Variants in ITGA9 observed in about 807,000 individuals in gnomAD.
ITGA9 encodes the protein integrin subunit alpha 9, also known as integrin alpha-9.
In ITGA9, 56 loss-of-function variants were observed where a neutral mutation model predicts 127.8. That is an observed-to-expected ratio of 0.44 (90% CI 0.35 to 0.55). The LOEUF is 0.55. Ranked by LOEUF, ITGA9 falls within the 20% of genes least tolerant of loss-of-function variation. The pLI, the probability that ITGA9 is intolerant of heterozygous loss-of-function variation, is 0.00. For missense variants in ITGA9, 1,196 were observed against 1,347.1 expected, an observed-to-expected ratio of 0.89 and a Z score of 1.76; for synonymous variants, 508 against 514.5, an observed-to-expected ratio of 0.99 and a Z score of 0.17.
At position 37,452,392 on chromosome 3, in the gene ITGA9, G is replaced by T; in HGVS notation, c.18G>T (p.Ala6=). 2 of 1,343,506 alleles carry T rather than the reference G, an allele frequency of 1.5e-6. No individual in the cohort carries two copies. Among genetic ancestry groups the T allele is most frequent in the Non-Finnish European group, 1.9e-6 (2 of 1,047,848 alleles). 83.2% of individuals were successfully genotyped at this position (1,343,506 alleles called of 1,614,324 possible). The change falls in exon 1 of 28, where the codon GCG becomes GCT. Residue 6 remains alanine (A), a synonymous_variant. Coordinates refer to ENST00000264741, the MANE Select transcript of ITGA9 (RefSeq NM_002207.3). This position sits in a 1 kb window ranked among gnomAD's most constrained non-coding sequence, Gnocchi z 7.3. ...GGCTGGGGATGGGCGGCCCGGCTGC[G>T]CCGAGGGGCGCCGGGAGGCTCCGCG... MGGPA[A]PRGAGRLRAL...
chr3:37,488,565 G>A (rs1275242563), intron 4 of ITGA9, among the ~76,000 whole-genome samples: 2 of 152,072 alleles, frequency 1.3e-5, no homozygotes, highest in Non-Finnish European at 2.9e-5. Context: ...GGGAGGCTGA[G>A]ACTGGCAGAT....
intron 15 of ITGA9, among the ~76,000 whole-genome samples, chr3:37,619,423 C>T (rs953467550): frequency 6.0e-4 from 92 of 152,240 alleles, no homozygotes; most frequent in African/African-American, 2.2e-3. Context: ...GTGAGGAAAA[C>T]AGAAAGGGAC....
At chr3:37,499,187 T>C (rs1188986063) in intron 5 of ITGA9, among the ~76,000 whole-genome samples, 1 of 152,170 alleles carries the variant, frequency 6.6e-6, no homozygotes, top group East Asian at 1.9e-4. Context: ...CTAACAGAGG[T>C]AGTAGATACT....
chr3:37,780,968 G>A (rs778658470), intron 25 of ITGA9, among the ~76,000 whole-genome samples: 3 of 152,234 alleles, frequency 2.0e-5, no homozygotes, highest in Non-Finnish European at 4.4e-5. Flanking sequence ...GCTACTCAAA[G>A]TGTGGTCCGA....
At chr3:37,523,468 A>G (rs1280915406) in intron 11 of ITGA9, 53 bp from the exon 12 acceptor site, 16 of 1,375,932 alleles carry the variant, frequency 1.2e-5, no homozygotes, top group Admixed American at 3.4e-5. Flanking sequence ...CACAGTTCTT[A>G]TTTGTGACTG....
intron 27 of ITGA9, among the ~76,000 whole-genome samples, chr3:37,816,303 G>A (rs910520214): frequency 5.9e-5 from 9 of 152,168 alleles, no homozygotes; most frequent in Non-Finnish European, 7.3e-5. Context: ...GTTTCTGCTT[G>A]ATAGTGCCAT....
At chr3:37,562,742 T>C (rs559980358) in intron 15 of ITGA9, among the ~76,000 whole-genome samples, 11 of 152,306 alleles carry the variant, frequency 7.2e-5, no homozygotes, top group Admixed American at 5.9e-4. Flanking sequence ...TGACATTTGT[T>C]CCTCTTTCAT....
rs576232828 is a variant in ITGA9, at chr3:37,537,734, C to T, written c.1528+4266C>T. Among the ~76,000 whole-genome samples, 16 of 152,296 alleles carry T rather than the reference C, an allele frequency of 1.1e-4. No individual in the cohort carries two copies. In the South Asian group the frequency reaches 2.9e-3, roughly 28 times the overall value. ...CTTGCTGGCTTTTCTAGATGAGCTC[C>T]GGGCCCCTTGTGTGGCATGCACTGT... is the stretch of plus-strand genomic sequence containing the variant. On this transcript the variant is annotated intron_variant, in intron 14 of 27. Coordinates refer to ENST00000264741, the MANE Select transcript of ITGA9 (RefSeq NM_002207.3).
At chr3:37,641,906 C>A (rs141482300) in intron 16 of ITGA9, among the ~76,000 whole-genome samples, 1 of 152,172 alleles carries the variant, frequency 6.6e-6, no homozygotes, top group Non-Finnish European at 1.5e-5. Flanking sequence ...CTCAAAGAAC[C>A]ATTCTCCCAC....
intron 13 of ITGA9, among the ~76,000 whole-genome samples, chr3:37,532,532 C>T (rs1191044575): frequency 6.6e-6 from 1 of 152,184 alleles, no homozygotes; most frequent in Non-Finnish European, 1.5e-5. Flanking sequence ...GAAGGTTGAG[C>T]GGTAGCTTAG....
intron 15 of ITGA9, among the ~76,000 whole-genome samples, chr3:37,545,833 C>T (rs1364822601): frequency 4.6e-5 from 7 of 152,210 alleles, no homozygotes; most frequent in Non-Finnish European, 8.8e-5. Flanking sequence ...CTTTCTAGAC[C>T]CATCTTCTGC....
chr3:37,478,710 T>C (rs1292939691), intron 3 of ITGA9, among the ~76,000 whole-genome samples: 2 of 152,352 alleles, frequency 1.3e-5, no homozygotes, highest in East Asian at 3.9e-4. Context: ...TGTGTGTATA[T>C]ATAATGATAA....
rs1359931940 is a variant in ITGA9, at chr3:37,819,371, T to C, written c.*382T>C. ...TCGATGTTTTATTATTTCTATTAAATAGTTATATAATTCACTCAAGCACTG... is the reference window on the plus strand; with the variant it reads ...TCGATGTTTTATTATTTCTATTAAACAGTTATATAATTCACTCAAGCACTG... On this transcript the variant is annotated 3_prime_UTR_variant, in exon 28 of 28. Coordinates refer to ENST00000264741, the MANE Select transcript of ITGA9 (RefSeq NM_002207.3). The C allele has an allele frequency of 5.2e-6, 1 of 193,458 alleles. No individual in the cohort carries two copies. Among genetic ancestry groups the C allele is most frequent in the Non-Finnish European group, 1.1e-5 (1 of 91,992 alleles). The allele number at this position is 193,458 out of a possible 1,614,324, so 12.0% of individuals were successfully genotyped here. A position where few individuals can be genotyped will look rare whatever the true frequency, so the allele number is the denominator to read the frequency against.
At chr3:37,494,440 C>T (rs973051657) in intron 4 of ITGA9, 61 bp from the exon 5 acceptor site, 21 of 1,245,278 alleles carry the variant, frequency 1.7e-5, no homozygotes, top group African/African-American at 7.3e-5. Flanking sequence ...GCTGGCTCCA[C>T]GCACAGCTGG....
In ITGA9 at chr3:37,581,590, C is replaced by T. The variant is rs143919446; in HGVS notation, c.1689+39005C>T. On this transcript the variant is annotated intron_variant, in intron 15 of 27. Transcript: ENST00000264741. ...AAGAGATTGTGTTCCAATTATCTGC[C>T]CTGTTTAGATGGCAGCTTCCAGAAT... 4.2e-3 allele frequency among the ~76,000 whole-genome samples: 642 copies of T among 152,250 alleles called. 8 individuals are homozygous for T. In the Middle Eastern group the frequency reaches 0.058, roughly 14 times the overall value.
At chr3:37,485,519 C>T (rs1439853018) in intron 4 of ITGA9, among the ~76,000 whole-genome samples, 1 of 152,066 alleles carries the variant, frequency 6.6e-6, no homozygotes, top group Non-Finnish European at 1.5e-5. Flanking sequence ...TGAGGAGCTC[C>T]CGAGAAAACT....
At chr3:37,804,110 G>A (rs1413266605) in intron 27 of ITGA9, among the ~76,000 whole-genome samples, 168 bp downstream of exon 27, 1 of 152,170 alleles carries the variant, frequency 6.6e-6, no homozygotes, top group Non-Finnish European at 1.5e-5. Context: ...TCCCCTTGAG[G>A]CCATTCACAA....
At chr3:37,633,245 GCATT>G (rs1369779282) in intron 16 of ITGA9, among the ~76,000 whole-genome samples, 22 of 152,100 alleles carry the variant, frequency 1.4e-4, no homozygotes, top group African/African-American at 5.3e-4. Flanking sequence ...AAAAATAAAA[GCATT>G]CAAGACCTCT....
intron 2 of ITGA9, 38 bp from the exon 3 acceptor site, chr3:37,473,316 T>C: frequency 6.5e-7 from 1 of 1,546,372 alleles, no homozygotes; most frequent in Non-Finnish European, 8.9e-7. Context: ...AGAACATCAC[T>C]CCTCAACCCA....
Sources: gnomAD v4.1 joint callset for allele counts (sites outside exome capture counted in the v4.1 genomes callset) on GRCh38, gnomAD v4.1.1 for gene constraint, Gnocchi (gnomAD v3.1) non-coding constraint, MANE v1.5 for transcripts, NCBI Gene and HGNC (gene_info 2026-07-23, HGNC 2026-07-21) for gene names.